NINJ2: variants seen among roughly 807,000 people sequenced by gnomAD.
NINJ2 encodes the protein ninjurin 2.
Under a neutral mutation model 11.7 loss-of-function variants are expected in NINJ2, and 12 were observed. That is an observed-to-expected ratio of 1.02 (90% confidence interval 0.66 to 1.66). The LOEUF (loss-of-function observed/expected upper bound fraction) is 1.66, where lower values mean the gene tolerates loss of function less well. NINJ2 is among the 40% of genes most tolerant of loss of function. The pLI is 0.00. For missense variants in NINJ2, 187 were observed against 181.8 expected (o/e 1.03, Z -0.16); for synonymous variants, 93 against 76.8 (o/e 1.21, Z -1.10).
At chr12:629,896 A>AAAAAAAAAAAAAAT in intron 1 of NINJ2, among the ~76,000 whole-genome samples, 7 of 9,904 alleles carry the variant, frequency 7.1e-4, no homozygotes, top group Non-Finnish European at 1.4e-3. Flanking sequence ...AAAAAAAAAA[A>AAAAAAAAAAAAAAT]ATATATATAT....
At chr12:575,125 TG>T (rs1022177007) in intron 1 of NINJ2, among the ~76,000 whole-genome samples, 11 of 152,224 alleles carry the variant, frequency 7.2e-5, no homozygotes, top group African/African-American at 2.7e-4. Context: ...GTGTTTGAAA[TG>T]CCTCCTGTAC....
chr12:626,715 A>C (rs10735056), intron 1 of NINJ2, among the ~76,000 whole-genome samples: 142,174 of 152,184 alleles, frequency 0.93, 67,197 homozygotes, highest in East Asian at 1. Flanking sequence ...ACCTTTCTGC[A>C]CCTTAGTTTC....
In NINJ2 at chr12:603,952, C is replaced by T. The variant is rs114998663; in HGVS notation, c.34-37774G>A. 1.2e-3 allele frequency among the ~76,000 whole-genome samples: 178 copies of T among 152,300 alleles called. 1 individual carries two copies. Among genetic ancestry groups the T allele is most frequent in the African/African-American group, 4.1e-3 (169 of 41,568 alleles). On this transcript the variant is annotated intron_variant, in intron 1 of 3. Transcript: ENST00000305108. ...CTGGGACTACAGGCATGAGTCACTGCGCCTGGCCAAAAAGACCATTCTTTC... is the reference window on the plus strand; with the variant it reads ...CTGGGACTACAGGCATGAGTCACTGTGCCTGGCCAAAAAGACCATTCTTTC...
intron 1 of NINJ2, among the ~76,000 whole-genome samples, chr12:654,135 C>T (rs921233160): frequency 2.6e-5 from 4 of 152,094 alleles, no homozygotes; most frequent in Admixed American, 1.3e-4. Context: ...TTTCAGGCTG[C>T]AGTGAGCCAA....
At chr12:632,375 G>C (rs1948294800) in intron 1 of NINJ2, 2 of 152,188 alleles carry the variant, frequency 1.3e-5, no homozygotes, top group Non-Finnish European at 2.9e-5. Flanking sequence ...GAGTGTTTGG[G>C]CAGGGAAGGG....
chr12:567,068 T>C (rs1947310557), intron 1 of NINJ2, among the ~76,000 whole-genome samples: 1 of 151,868 alleles, frequency 6.6e-6, no homozygotes, highest in Non-Finnish European at 1.5e-5. Context: ...GCAGGGAGAG[T>C]CATTTAAAAG....
Position 609,967 on chromosome 12 carries a change from G to A in NINJ2, c.34-43789C>T, listed in dbSNP as rs1259450679. Among the ~76,000 whole-genome samples the A allele has an allele frequency of 4.5e-5, 6 of 134,126 alleles. No homozygotes were observed. In the East Asian group the frequency reaches 1.4e-3, roughly 32 times the overall value. The allele number at this position is 134,126 out of a possible 152,430, so 88.0% of individuals were successfully genotyped here. ...CTTAAAAAAAAAAAAAAAAAAAGAC[G>A]AAGGAGAGAAATAATGTTTGACCAT... On this transcript the variant is annotated intron_variant, in intron 1 of 3. Coordinates refer to ENST00000305108, the MANE Select transcript of NINJ2 (RefSeq NM_016533.6).
At chr12:611,715 T>C (rs1482567095) in intron 1 of NINJ2, among the ~76,000 whole-genome samples, 1 of 152,272 alleles carries the variant, frequency 6.6e-6, no homozygotes, top group African/African-American at 2.4e-5. Flanking sequence ...TGGTTACACC[T>C]TTGGAAGCAT....
intron 1 of NINJ2, among the ~76,000 whole-genome samples, chr12:638,336 G>C (rs1342895487): frequency 6.6e-6 from 1 of 152,228 alleles, no homozygotes; most frequent in Non-Finnish European, 1.5e-5. Flanking sequence ...TCCAATATAT[G>C]CATACGTTGT....
chr12:580,102 T>C lies in NINJ2; in HGVS notation c.34-13924A>G, dbSNP rs1947525909. Among the ~76,000 whole-genome samples, 1 of 152,176 alleles carries C rather than the reference T, an allele frequency of 6.6e-6. No individual in the cohort carries two copies. The highest frequency in any genetic ancestry group is 6.5e-5 in the Admixed American group (1 of 15,278). ...AAATATTTTAGACTGGTCCCCATTGTTGAGGGACTTACACAGCCTATGCTT... is the reference window on the plus strand; with the variant it reads ...AAATATTTTAGACTGGTCCCCATTGCTGAGGGACTTACACAGCCTATGCTT... On this transcript the variant is annotated intron_variant, in intron 1 of 3. Transcript: ENST00000305108. This position sits in a 1 kb window ranked among gnomAD's most constrained non-coding sequence, Gnocchi z 4.7.
intron 1 of NINJ2, chr12:644,102 A>C (rs148584201): frequency 1.3e-5 from 2 of 154,988 alleles, no homozygotes; most frequent in South Asian, 2.0e-4. Context: ...TGCAAGTTAA[A>C]GTAAGGCAAG....
At chr12:643,697 G>C (rs540269609) in intron 1 of NINJ2, 10 of 987,794 alleles carry the variant, frequency 1.0e-5, no homozygotes, top group African/African-American at 1.7e-5. Flanking sequence ...TCACCGCAAC[G>C]AGTCTGCCAT....
intron 1 of NINJ2, among the ~76,000 whole-genome samples, chr12:574,079 G>T (rs1047044056): frequency 2.0e-5 from 3 of 152,080 alleles, no homozygotes; most frequent in Non-Finnish European, 4.4e-5. Flanking sequence ...AAATTAGCAG[G>T]GTGTGGTGGT....
intron 1 of NINJ2, among the ~76,000 whole-genome samples, chr12:604,283 G>C (rs1169788514): frequency 6.6e-6 from 1 of 152,140 alleles, no homozygotes; most frequent in Non-Finnish European, 1.5e-5. Flanking sequence ...GGACAAAATA[G>C]ACTGGAAGAG....
At chr12:597,155 A>G (rs10849309) in intron 1 of NINJ2, among the ~76,000 whole-genome samples, 13,081 of 152,242 alleles carry the variant, frequency 0.086, 720 homozygotes, top group African/African-American at 0.16. Flanking sequence ...AAGGCGAAAC[A>G]CTACGTGGTT....
chr12:610,809 C>T (rs1245974711), intron 1 of NINJ2: 1 of 185,842 alleles, frequency 5.4e-6, no homozygotes, highest in African/African-American at 2.5e-5. Flanking sequence ...TCTCGGCTCA[C>T]TGCAACCTCT....
At chr12:634,255 A>C (rs1948316219) in intron 1 of NINJ2, among the ~76,000 whole-genome samples, 1 of 103,314 alleles carries the variant, frequency 9.7e-6, no homozygotes, top group South Asian at 3.9e-4. Flanking sequence ...AATGTTGATT[A>C]GTTGCAGTTC....
chr12:582,120 C>T (rs1010748389), intron 1 of NINJ2, among the ~76,000 whole-genome samples: 2 of 152,228 alleles, frequency 1.3e-5, no homozygotes, highest in Non-Finnish European at 1.5e-5. Context: ...AAGATTTGAA[C>T]CCGGGTCTGT....
chr12:608,491 G>A (rs1469862776), intron 1 of NINJ2, among the ~76,000 whole-genome samples: 1 of 152,202 alleles, frequency 6.6e-6, no homozygotes, highest in Non-Finnish European at 1.5e-5. Context: ...TTTTACAGAT[G>A]AGAAAGCTGA....
Sources: allele counts gnomAD v4.1 joint callset (sites outside exome capture counted in the v4.1 genomes callset), GRCh38; gene constraint gnomAD v4.1.1; non-coding constraint Gnocchi (gnomAD v3.1); transcripts MANE v1.5; gene names NCBI Gene and HGNC (gene_info 2026-07-23, HGNC 2026-07-21).